RPRD1A: variants seen among roughly 807,000 people sequenced by gnomAD.
The protein encoded by RPRD1A is regulation of nuclear pre-mRNA domain-containing protein 1A.
Under a neutral mutation model 37.8 loss-of-function variants are expected in RPRD1A, and 9 were observed. The observed-to-expected ratio is 0.24, with a 90% CI of 0.14 to 0.42. RPRD1A has a LOEUF of 0.42. RPRD1A is among the 10% of genes least tolerant of loss of function. RPRD1A has a pLI of 1.00. For synonymous variants in RPRD1A, 138 were observed against 139.7 expected (o/e 0.99, Z 0.08); for missense variants, 255 against 371.0 (o/e 0.69, Z 2.57).
intron 1 of RPRD1A, among the ~76,000 whole-genome samples, chr18:36,042,824 T>C (rs1912679140): frequency 6.6e-6 from 1 of 152,122 alleles, no homozygotes; most frequent in Admixed American, 6.5e-5. Context: ...TTAGATACCT[T>C]CAGACACTGG....
intron 1 of RPRD1A, among the ~76,000 whole-genome samples, chr18:36,040,342 C>T (rs527912163): frequency 1.4e-3 from 214 of 152,174 alleles, no homozygotes; most frequent in Non-Finnish European, 2.6e-3. Context: ...TCTACTTAAG[C>T]CATATGTGTA....
At chr18:35,994,056 T>C (rs1015170828) in intron 6 of RPRD1A, among the ~76,000 whole-genome samples, 21 of 152,132 alleles carry the variant, frequency 1.4e-4, no homozygotes, top group African/African-American at 4.6e-4. Flanking sequence ...CACCCCTCCC[T>C]TTCTCCAAAA....
chr18:36,008,568 CTTGTGT>C lies in RPRD1A; in HGVS notation c.790-15274_790-15269del, dbSNP rs1477782727. Among the ~76,000 whole-genome samples, 15 of 12,286 alleles carry C rather than the reference CTTGTGT, an allele frequency of 1.2e-3. 1 individual carries two copies. Among genetic ancestry groups the C allele is most frequent in the African/African-American group, 2.5e-3 (5 of 2,020 alleles). The allele number at this position is 12,286 out of a possible 152,430, so 8.1% of individuals were successfully genotyped here. A position where few individuals can be genotyped will look rare whatever the true frequency, so the allele number is the denominator to read the frequency against. On this transcript the variant is annotated intron_variant, in intron 6 of 6. Coordinates refer to ENST00000399022, the MANE Select transcript of RPRD1A (RefSeq NM_018170.5). ...TCTAGCCTGGGCGACACAGCAAGAC[CTTGTGT>C]GTGTATATATATATATCTTTAAAAA...
intron 1 of RPRD1A, among the ~76,000 whole-genome samples, chr18:36,056,727 T>C (rs1347937392): frequency 6.6e-6 from 1 of 151,364 alleles, no homozygotes; most frequent in Admixed American, 6.6e-5. Flanking sequence ...TTATTACAGA[T>C]ACAAAGAAGA....
At chr18:36,064,278 G>T (rs181815223) in intron 1 of RPRD1A, 1 of 152,550 alleles carries the variant, frequency 6.6e-6, no homozygotes, top group South Asian at 2.1e-4. Context: ...CCTGGGCTAC[G>T]CGCGGTTCCG....
intron 2 of RPRD1A, among the ~76,000 whole-genome samples, chr18:36,032,274 C>G (rs1310099985): frequency 7.2e-5 from 11 of 152,148 alleles, no homozygotes; most frequent in Admixed American, 7.2e-4. Flanking sequence ...TTGGTCACTA[C>G]TACTCAGGGT....
rs1249354887 is a variant in RPRD1A at position 36,023,774 on chromosome 18, A to G, written c.789+3126T>C. On this transcript the variant is annotated intron_variant, in intron 6 of 6. Coordinates refer to ENST00000399022, the MANE Select transcript of RPRD1A (RefSeq NM_018170.5). ...AGACCCTCCACCAGCAAAGACTATG[A>G]CTAACAGAAGGCTCAGATGATTAGT... Among the ~76,000 whole-genome samples, 3 of 152,358 alleles carry G rather than the reference A, an allele frequency of 2.0e-5. No individual in the cohort carries two copies. In the East Asian group the frequency reaches 5.8e-4, roughly 29 times the overall value.
chr18:36,024,313 ATTT>A, intron 6 of RPRD1A, among the ~76,000 whole-genome samples: 1 of 126,556 alleles, frequency 7.9e-6, no homozygotes, highest in Admixed American at 7.9e-5. Flanking sequence ...CACCTGGTTA[ATTT>A]TTTTTTTTTT....
intron 2 of RPRD1A, among the ~76,000 whole-genome samples, chr18:36,031,631 G>C (rs1911797032): frequency 6.6e-6 from 1 of 152,000 alleles, no homozygotes. Flanking sequence ...AGACATATGG[G>C]GAAATGAAAA....
intron 1 of RPRD1A, among the ~76,000 whole-genome samples, chr18:36,056,026 C>G (rs1045894640): frequency 1.5e-4 from 23 of 152,062 alleles, no homozygotes; most frequent in African/African-American, 5.3e-4. Flanking sequence ...TAAGAAAATA[C>G]TAGAATATTT....
intron 2 of RPRD1A, 101 bp from the exon 3 acceptor site, chr18:36,031,198 T>G: frequency 7.4e-7 from 1 of 1,354,006 alleles, no homozygotes; most frequent in Non-Finnish European, 9.6e-7. Flanking sequence ...CAGACATTCA[T>G]TCCCTGGAAA....
chr18:36,015,344 C>G (rs1218832534), intron 6 of RPRD1A, among the ~76,000 whole-genome samples: 4 of 151,882 alleles, frequency 2.6e-5, no homozygotes, highest in Non-Finnish European at 5.9e-5. Context: ...TCTCAAATAG[C>G]TGGGACTACA....
At chr18:36,011,456 ATAAT>A (rs1313210236) in intron 6 of RPRD1A, among the ~76,000 whole-genome samples, 2 of 152,156 alleles carry the variant, frequency 1.3e-5, no homozygotes, top group East Asian at 3.8e-4. Flanking sequence ...ATTTTTTTCT[ATAAT>A]TAAAATATAT....
intron 6 of RPRD1A, among the ~76,000 whole-genome samples, chr18:36,000,299 A>T (rs1397649365): frequency 6.6e-6 from 1 of 152,188 alleles, no homozygotes; most frequent in Non-Finnish European, 1.5e-5. Context: ...TTCACAGGTT[A>T]TCCTATACAT....
intron 6 of RPRD1A, among the ~76,000 whole-genome samples, chr18:35,999,761 A>G (rs1909306247): frequency 6.6e-6 from 1 of 152,154 alleles, no homozygotes; most frequent in Non-Finnish European, 1.5e-5. Context: ...CTTCCTACCC[A>G]TTTCTTGATA....
chr18:36,011,244 G>A (rs2144204954), intron 6 of RPRD1A, among the ~76,000 whole-genome samples: 1 of 152,252 alleles, frequency 6.6e-6, no homozygotes, highest in Admixed American at 6.5e-5. Flanking sequence ...GAGGCCAAAT[G>A]TGTTGTCCAA....
At chr18:36,007,423 T>C (rs937167799) in intron 6 of RPRD1A, among the ~76,000 whole-genome samples, 1 of 152,198 alleles carries the variant, frequency 6.6e-6, no homozygotes, top group Non-Finnish European at 1.5e-5. Context: ...TGTTCAATAC[T>C]AAAGGAAAAG....
intron 6 of RPRD1A, among the ~76,000 whole-genome samples, chr18:36,015,058 T>C (rs919403951): frequency 2.0e-5 from 3 of 151,286 alleles, no homozygotes; most frequent in Non-Finnish European, 2.9e-5. Context: ...AATTTGAAAA[T>C]AGAATTAATG....
intron 6 of RPRD1A, among the ~76,000 whole-genome samples, chr18:36,023,938 G>A (rs746451113): frequency 6.6e-6 from 1 of 152,166 alleles, no homozygotes; most frequent in Non-Finnish European, 1.5e-5. Context: ...CATAACTTTT[G>A]TATGTACTAG....
Sources: allele counts gnomAD v4.1 joint callset (sites outside exome capture counted in the v4.1 genomes callset), GRCh38; gene constraint gnomAD v4.1.1; transcripts MANE v1.5; gene names NCBI Gene and HGNC (gene_info 2026-07-23, HGNC 2026-07-21).